The following RBFOX1 variants were observed in gnomAD, a reference collection of about 807,000 sequenced individuals.
RBFOX1 encodes RNA binding protein fox-1 homolog 1.
In RBFOX1, 8 loss-of-function variants were observed where a neutral mutation model predicts 57.7. The ratio of observed to expected loss-of-function variants is 0.14; its 90% CI spans 0.08 to 0.25. RBFOX1 has a LOEUF of 0.25. Ranked by LOEUF, RBFOX1 falls within the 10% of genes least tolerant of loss-of-function variation. RBFOX1 has a pLI of 1.00. For missense variants in RBFOX1, 611 were observed against 548.5 expected (o/e 1.11, Z -1.14); for synonymous variants, 326 against 222.4 (o/e 1.47, Z -4.15).
intron 2 of RBFOX1, chr16:6,483,646 T>G: frequency 8.4e-7 from 1 of 1,196,036 alleles, no homozygotes; most frequent in Non-Finnish European, 1.1e-6. Flanking sequence ...CTGCAGAGGC[T>G]TCCTGAAGCC....
In RBFOX1 at chr16:5,631,276, C is replaced by G. The variant is rs904110171; in HGVS notation, c.318+32315C>G. 9.9e-5 allele frequency among the ~76,000 whole-genome samples: 15 copies of G among 152,200 alleles called. 1 individual carries two copies. The highest frequency in any genetic ancestry group is 3.4e-3 in the Middle Eastern group (1 of 294). On this transcript the variant is annotated intron_variant, in intron 3 of 19. Transcript: ENST00000641259. The stretch of plus-strand genomic sequence containing the variant: ...TCATGCACATTTAAAAGTCTCTCTT[C>G]GGGCAGGCGTGGTGGCTTACGCCTG...
intron 3 of RBFOX1, among the ~76,000 whole-genome samples, chr16:5,605,392 G>C (rs1363496149): frequency 6.6e-6 from 1 of 152,218 alleles, no homozygotes; most frequent in African/African-American, 2.4e-5. Context: ...TGGGAGTGGA[G>C]GTTAGACCCA....
intron 3 of RBFOX1, among the ~76,000 whole-genome samples, chr16:6,957,943 C>G (rs952025587): frequency 1.3e-5 from 2 of 152,130 alleles, no homozygotes; most frequent in African/African-American, 4.8e-5. Context: ...AGAAGTCACA[C>G]AGCATCACTT....
chr16:6,654,152 A>AGATG (rs2098628277), intron 2 of RBFOX1, among the ~76,000 whole-genome samples: 1 of 151,042 alleles, frequency 6.6e-6, no homozygotes, highest in Non-Finnish European at 1.5e-5. Context: ...AATGGAGAGG[A>AGATG]GATGAATGGA....
chr16:7,694,224 C>G (rs1202782037), intron 14 of RBFOX1, among the ~76,000 whole-genome samples: 5 of 152,198 alleles, frequency 3.3e-5, no homozygotes, highest in Admixed American at 6.5e-5. Context: ...GAGGACGTTA[C>G]AACTTATCAC....
At chr16:6,777,766 A>T (rs931644344) in intron 3 of RBFOX1, among the ~76,000 whole-genome samples, 1 of 152,178 alleles carries the variant, frequency 6.6e-6, no homozygotes, top group African/African-American at 2.4e-5. Context: ...GAAGTTGAAT[A>T]TGATGAGAAA....
chr16:7,359,007 A>G (rs2097269319), intron 4 of RBFOX1, among the ~76,000 whole-genome samples: 1 of 152,206 alleles, frequency 6.6e-6, no homozygotes, highest in Non-Finnish European at 1.5e-5. Flanking sequence ...AAAATCTAAG[A>G]TTAGTTGAGT....
At chr16:6,308,795 C>T (rs971969669) in intron 1 of RBFOX1, among the ~76,000 whole-genome samples, 1 of 152,058 alleles carries the variant, frequency 6.6e-6, no homozygotes. Flanking sequence ...ACAGCAGGTG[C>T]CATTCTTAGA....
intron 4 of RBFOX1, among the ~76,000 whole-genome samples, chr16:7,120,668 C>G (rs1253753410): frequency 2.7e-5 from 4 of 146,906 alleles, no homozygotes; most frequent in Non-Finnish European, 4.5e-5. Flanking sequence ...GTTTCATTGG[C>G]TATTCCACCA....
At chr16:7,199,023 G>T (rs528735379) in intron 4 of RBFOX1, among the ~76,000 whole-genome samples, 1 of 152,136 alleles carries the variant, frequency 6.6e-6, no homozygotes, top group Non-Finnish European at 1.5e-5. Context: ...CAAGCACCAG[G>T]ACTGAGTTTC....
At chr16:7,181,686 C>T (rs938615050) in intron 4 of RBFOX1, among the ~76,000 whole-genome samples, 8 of 152,086 alleles carry the variant, frequency 5.3e-5, no homozygotes, top group African/African-American at 1.9e-4. Flanking sequence ...CCTCAGCCTC[C>T]CGAGTAGCTG....
rs375723096 is a variant in RBFOX1, at chr16:7,333,063, C to T, written c.28-185084C>T. On this transcript the variant is annotated intron_variant, in intron 4 of 15. Coordinates refer to ENST00000550418, the MANE Select transcript of RBFOX1 (RefSeq NM_018723.4). Reference sequence around the variant, plus strand: ...GGCGTGCCTATGATTGTACCGGCAGCTCCTTACCTTCCTGGACTGATTCAG... The same window carrying T: ...GGCGTGCCTATGATTGTACCGGCAGTTCCTTACCTTCCTGGACTGATTCAG... 6.1e-5 allele frequency: 98 copies of T among 1,613,816 alleles called. No individual in the cohort carries two copies. Among genetic ancestry groups the T allele is most frequent in the Middle Eastern group, 1.6e-4 (1 of 6,066 alleles).
chr16:7,507,829 C>T (rs577338276), intron 4 of RBFOX1, among the ~76,000 whole-genome samples: 48 of 152,184 alleles, frequency 3.2e-4, no homozygotes, highest in African/African-American at 1.1e-3. Flanking sequence ...TTCCAAAGTG[C>T]TGGGATTACA....
At chr16:7,465,905 T>C (rs2060433746) in intron 4 of RBFOX1, among the ~76,000 whole-genome samples, 1 of 152,222 alleles carries the variant, frequency 6.6e-6, no homozygotes, top group African/African-American at 2.4e-5. Flanking sequence ...CCCCAAAGCA[T>C]CTCATGGTGC....
intron 4 of RBFOX1, among the ~76,000 whole-genome samples, chr16:7,377,557 G>T (rs937619303): frequency 6.6e-6 from 1 of 152,198 alleles, no homozygotes; most frequent in Admixed American, 6.5e-5. Flanking sequence ...ATCTGTATTT[G>T]CAGGGCAGGA....
chr16:6,989,114 C>T (rs543869885), intron 3 of RBFOX1, among the ~76,000 whole-genome samples: 1 of 152,038 alleles, frequency 6.6e-6, no homozygotes, highest in African/African-American at 2.4e-5. Context: ...GCAGGTTGGC[C>T]TAAACTCTTG....
chr16:6,809,777 C>T (rs1179835230), intron 3 of RBFOX1, among the ~76,000 whole-genome samples: 14 of 150,636 alleles, frequency 9.3e-5, no homozygotes, highest in African/African-American at 2.4e-5. Context: ...AAAGCAGTGG[C>T]TTTTAAAAAA....
chr16:7,019,480 G>A (rs1202169350), intron 3 of RBFOX1, among the ~76,000 whole-genome samples: 1 of 152,144 alleles, frequency 6.6e-6, no homozygotes, highest in Non-Finnish European at 1.5e-5. Flanking sequence ...TTTTTGTTAA[G>A]TTGTCAAAAG....
chr16:6,840,427 C>A (rs2093394530), intron 3 of RBFOX1, among the ~76,000 whole-genome samples: 1 of 152,150 alleles, frequency 6.6e-6, no homozygotes, highest in African/African-American at 2.4e-5. Flanking sequence ...TCACAGTCTT[C>A]TTTCAACTAT....
Sources: allele counts gnomAD v4.1 joint callset (sites outside exome capture counted in the v4.1 genomes callset), GRCh38; gene constraint gnomAD v4.1.1; transcripts MANE v1.5; gene names NCBI Gene and HGNC (gene_info 2026-07-23, HGNC 2026-07-21).